MVB12B: variants seen among roughly 807,000 people sequenced by gnomAD.
MVB12B encodes multivesicular body subunit 12B, also known as ESCRT-I complex subunit MVB12B.
In MVB12B, 16 loss-of-function variants were observed where a neutral mutation model predicts 41.6. That is an observed-to-expected ratio of 0.38 (90% confidence interval 0.26 to 0.58). The LOEUF is 0.58. MVB12B is among the 20% of genes least tolerant of loss of function. The pLI, the probability that MVB12B is intolerant of heterozygous loss-of-function variation, is 0.62. For missense variants in MVB12B, 274 were observed against 380.2 expected (o/e 0.72, Z 2.32); for synonymous variants, 133 against 139.7 (o/e 0.95, Z 0.34).
chr9:126,443,944 C>A (rs1302301644), intron 7 of MVB12B, among the ~76,000 whole-genome samples: 3 of 152,258 alleles, frequency 2.0e-5, no homozygotes, highest in African/African-American at 7.2e-5. Flanking sequence ...TGGACTCATA[C>A]AATATGTAGC....
In MVB12B at chr9:126,363,182, G is replaced by T. The variant is rs61182118; in HGVS notation, c.205-17882G>T. Among the ~76,000 whole-genome samples the T allele has an allele frequency of 1.5e-3, 231 of 150,774 alleles. 1 individual carries two copies. Among genetic ancestry groups the T allele is most frequent in the African/African-American group, 5.5e-3 (227 of 41,084 alleles). ...AGCCTGGGTGACAGAGTGAGACTCC[G>T]TCTCAAAAAAAAAAAGAAAATTAAA... On this transcript the variant is annotated intron_variant, in intron 2 of 9. Coordinates refer to ENST00000361171, the MANE Select transcript of MVB12B (RefSeq NM_033446.3).
At chr9:126,364,385 G>A (rs529889638) in intron 2 of MVB12B, among the ~76,000 whole-genome samples, 1 of 151,962 alleles carries the variant, frequency 6.6e-6, no homozygotes. Context: ...TCTCTTTCAG[G>A]GCCCCTTTGT....
At chr9:126,394,381 T>C (rs1272612268) in intron 5 of MVB12B, among the ~76,000 whole-genome samples, 4 of 152,276 alleles carry the variant, frequency 2.6e-5, no homozygotes, top group Non-Finnish European at 4.4e-5. Context: ...TACCAGTATG[T>C]ACCTTGATAA....
intron 9 of MVB12B, among the ~76,000 whole-genome samples, chr9:126,500,119 T>C (rs28619010): frequency 0.55 from 84,176 of 152,022 alleles, 24,483 homozygotes; most frequent in African/African-American, 0.75. Flanking sequence ...GGGGCTGCAA[T>C]CGCCCTTAAC....
At chr9:126,378,624 T>TCTGTC (rs1564298249) in intron 2 of MVB12B, among the ~76,000 whole-genome samples, 3 of 151,544 alleles carry the variant, frequency 2.0e-5, no homozygotes, top group Non-Finnish European at 2.9e-5. Flanking sequence ...TCTCTCTCTC[T>TCTGTC]TCTCTGTCTC....
intron 7 of MVB12B, among the ~76,000 whole-genome samples, chr9:126,454,647 A>AT (rs1465413049): frequency 6.6e-6 from 1 of 152,242 alleles, no homozygotes; most frequent in Non-Finnish European, 1.5e-5. Flanking sequence ...CTTTAGCCCC[A>AT]TAAAGACCCA....
At position 126,455,181 on chromosome 9, in the gene MVB12B, T is replaced by C. The variant is rs1201990524; in HGVS notation, c.758-26188T>C. ...ATTTATTTTATTTTATTTTATTTTT[T>C]ATTTTATTTTATTTTATTTTATTTT... is the stretch of plus-strand genomic sequence containing the variant. On this transcript the variant is annotated intron_variant, in intron 7 of 9. Coordinates refer to ENST00000361171, the MANE Select transcript of MVB12B (RefSeq NM_033446.3). Among the ~76,000 whole-genome samples, 5 of 151,826 alleles carry C rather than the reference T, an allele frequency of 3.3e-5. No individual in the cohort carries two copies. The East Asian group carries it at 9.7e-4, about 29-fold the overall frequency.
rs141008076 is a variant in MVB12B at position 126,412,077 on chromosome 9, G to C, written c.663-9777G>C. Among the ~76,000 whole-genome samples the C allele has an allele frequency of 9.7e-4, 148 of 152,312 alleles. 1 individual carries two copies. The highest frequency in any genetic ancestry group is 7.7e-3 in the South Asian group (37 of 4,826). ...TGTCAGCAAGTGTGGGCAATGGTCA[G>C]GGACCTCTTTCTGACACCATTGACC... On this transcript the variant is annotated intron_variant, in intron 6 of 9. Coordinates refer to ENST00000361171, the MANE Select transcript of MVB12B (RefSeq NM_033446.3).
intron 4 of MVB12B, among the ~76,000 whole-genome samples, chr9:126,387,280 G>A (rs899044579): frequency 7.2e-5 from 11 of 152,066 alleles, no homozygotes; most frequent in Non-Finnish European, 1.2e-4. Context: ...CTGGTGATTC[G>A]GCTTCCTTGT....
In MVB12B at chr9:126,504,970, A is replaced by G. The variant is rs549768474; in HGVS notation, c.*1707A>G. ...GGACCTGAGGAGCCCTGTGGCACCC[A>G]CAGGGGGCACCTATGTCTGCCGTGG... On this transcript the variant is annotated 3_prime_UTR_variant, in exon 10 of 10. Transcript: ENST00000361171. The G allele has an allele frequency of 1.3e-5, 2 of 152,320 alleles. No homozygotes were observed. Among genetic ancestry groups the G allele is most frequent in the South Asian group, 4.1e-4 (2 of 4,832 alleles). 9.4% of individuals were successfully genotyped at this position (152,320 alleles called of 1,614,324 possible). A position where few individuals can be genotyped will look rare whatever the true frequency, so the allele number is the denominator to read the frequency against.
At chr9:126,420,350 C>T (rs1297828296) in intron 6 of MVB12B, among the ~76,000 whole-genome samples, 1 of 152,190 alleles carries the variant, frequency 6.6e-6, no homozygotes. Flanking sequence ...CTGCTGGTTC[C>T]CCAAAGCCCT....
At chr9:126,387,962 T>C (rs1830845780) in intron 4 of MVB12B, among the ~76,000 whole-genome samples, 1 of 152,258 alleles carries the variant, frequency 6.6e-6, no homozygotes, top group South Asian at 2.1e-4. Flanking sequence ...TGGAAGAGCA[T>C]GTGTATAAGC....
At chr9:126,460,196 A>G (rs1349931757) in intron 7 of MVB12B, among the ~76,000 whole-genome samples, 2 of 152,128 alleles carry the variant, frequency 1.3e-5, no homozygotes, top group African/African-American at 4.8e-5. Context: ...GGCAGGGTGG[A>G]CAAGGCTCCG....
At position 126,340,601 on chromosome 9, in the gene MVB12B, C is replaced by T. The variant is rs376223657; in HGVS notation, c.175C>T (p.Arg59Trp). Reference sequence around the variant, plus strand: ...CACGGGAGTCGGGGTGGTGGCTTCTCGGAACCGAGCCCCGACAGGCTATGA... The same window carrying T: ...CACGGGAGTCGGGGTGGTGGCTTCTTGGAACCGAGCCCCGACAGGCTATGA... ...PITGVGVVAS[R>W]NRAPTGYDVV... The change falls in exon 2 of 10, where the codon CGG (arginine) becomes TGG (tryptophan). Residue 59 changes from arginine (R) to tryptophan (W), a missense_variant. Transcript: ENST00000361171. This position sits in a 1 kb window ranked among gnomAD's most constrained non-coding sequence, Gnocchi z 4.0. 22 of 1,614,020 alleles carry T rather than the reference C, an allele frequency of 1.4e-5. No individual in the cohort carries two copies. Among genetic ancestry groups the T allele is most frequent in the Non-Finnish European group, 1.7e-5 (20 of 1,180,016 alleles).
At chr9:126,327,432 G>A (rs1375298207) in intron 1 of MVB12B, 1 of 615,588 alleles carries the variant, frequency 1.6e-6, no homozygotes, top group Non-Finnish European at 2.0e-6. Context: ...GCAGACCAAC[G>A]TGCACCTGCC....
At chr9:126,452,554 G>A (rs899743651) in intron 7 of MVB12B, among the ~76,000 whole-genome samples, 3 of 152,194 alleles carry the variant, frequency 2.0e-5, no homozygotes, top group Non-Finnish European at 4.4e-5. Flanking sequence ...CTGGAAATTG[G>A]TTCTATCCCA....
chr9:126,380,202 A>G (rs1830595753), intron 2 of MVB12B, among the ~76,000 whole-genome samples: 1 of 152,192 alleles, frequency 6.6e-6, no homozygotes. Context: ...AGCGATTCAC[A>G]GAGCAGTCTG....
intron 6 of MVB12B, chr9:126,408,484 C>G (rs2119046808): frequency 6.6e-6 from 1 of 152,352 alleles, no homozygotes; most frequent in East Asian, 1.9e-4. Context: ...TGGGGCGGCT[C>G]CCTCCTTCTG....
chr9:126,457,073 C>T (rs2109914), intron 7 of MVB12B, among the ~76,000 whole-genome samples: 1 of 152,022 alleles, frequency 6.6e-6, no homozygotes, highest in East Asian at 1.9e-4. Flanking sequence ...AACCCTTTCT[C>T]ATTTCCACAT....
Sources: gnomAD v4.1 joint callset for allele counts (sites outside exome capture counted in the v4.1 genomes callset) on GRCh38, gnomAD v4.1.1 for gene constraint, Gnocchi (gnomAD v3.1) non-coding constraint, MANE v1.5 for transcripts, NCBI Gene and HGNC (gene_info 2026-07-23, HGNC 2026-07-21) for gene names.